TTC38: variants seen among roughly 807,000 people sequenced by gnomAD.
The protein encoded by TTC38 is tetratricopeptide repeat domain 38.
Under a neutral mutation model 64.2 loss-of-function variants are expected in TTC38, and 64 were observed. The ratio of observed to expected loss-of-function variants is 1.00; its 90% confidence interval spans 0.81 to 1.23. TTC38 has a LOEUF of 1.23. TTC38 is among the 50% of genes most tolerant of loss of function. The pLI, the probability that TTC38 is intolerant of heterozygous loss-of-function variation, is 0.00. For missense variants in TTC38, 573 were observed against 615.5 expected, an observed-to-expected ratio of 0.93 and a Z score of 0.73; for synonymous variants, 254 against 249.3, an observed-to-expected ratio of 1.02 and a Z score of -0.18.
chr22:46,288,690 T>C, intron 11 of TTC38, 102 bp downstream of exon 11: 4 of 1,218,988 alleles, frequency 3.3e-6, no homozygotes, highest in Non-Finnish European at 4.6e-6. Flanking sequence ...GCCCCGCCTG[T>C]GAGTGCAGCA....
rs973260565 is a variant in TTC38, at chr22:46,273,090, G to T, written c.193+674G>T. Among the ~76,000 whole-genome samples, 4 of 152,202 alleles carry T rather than the reference G, an allele frequency of 2.6e-5. No individual in the cohort carries two copies. Among genetic ancestry groups the T allele is most frequent in the Non-Finnish European group, 5.9e-5 (4 of 68,038 alleles). ...TAAGGCAGGGGACTTGTACTGCCCT[G>T]GAGAAGACAAACAAGGAAATAACTG... On this transcript the variant is annotated intron_variant, in intron 3 of 13. Coordinates refer to ENST00000381031, the MANE Select transcript of TTC38 (RefSeq NM_017931.4). The surrounding 1 kb of genome is among the most constrained non-coding windows in gnomAD (Gnocchi z 5.1).
chr22:46,277,239 A>C (rs2077498758), intron 5 of TTC38, among the ~76,000 whole-genome samples: 1 of 152,126 alleles, frequency 6.6e-6, no homozygotes, highest in African/African-American at 2.4e-5. Context: ...CTTAACCCCG[A>C]GAAACCACAG....
In TTC38 at chr22:46,274,860, T is replaced by G. The variant is rs1272849190; in HGVS notation, c.366-388T>G. On this transcript the variant is annotated intron_variant, in intron 4 of 13. Coordinates refer to ENST00000381031, the MANE Select transcript of TTC38 (RefSeq NM_017931.4). This position sits in a 1 kb window ranked among gnomAD's most constrained non-coding sequence, Gnocchi z 4.8. Reference sequence around the variant, plus strand: ...CATTTATTTATTTAGAGTTTTGCTCTTGTCGCCCAGGCTGGAATGCAGTGG... The same window carrying G: ...CATTTATTTATTTAGAGTTTTGCTCGTGTCGCCCAGGCTGGAATGCAGTGG... Among the ~76,000 whole-genome samples, 2 of 152,210 alleles carry G rather than the reference T, an allele frequency of 1.3e-5. No homozygotes were observed. Among genetic ancestry groups the G allele is most frequent in the African/African-American group, 2.4e-5 (1 of 41,448 alleles).
At chr22:46,284,794 G>A (rs561636049) in intron 8 of TTC38, among the ~76,000 whole-genome samples, 3 of 149,032 alleles carry the variant, frequency 2.0e-5, no homozygotes, top group Non-Finnish European at 4.4e-5. Flanking sequence ...GCTTGAACCT[G>A]GGACGCGGAG....
chr22:46,283,503 G>A (rs1257514838), intron 7 of TTC38, among the ~76,000 whole-genome samples: 2 of 152,112 alleles, frequency 1.3e-5, no homozygotes, highest in Non-Finnish European at 2.9e-5. Flanking sequence ...AATGGAAGAA[G>A]ATTATGTGGC....
chr22:46,275,532 C>G lies in TTC38; in HGVS notation c.539+111C>G, dbSNP rs76774547. 8.7e-3 allele frequency: 9,638 copies of G among 1,101,758 alleles called. 66 individuals are homozygous for G. Among genetic ancestry groups the G allele is most frequent in the Middle Eastern group, 0.017 (63 of 3,656 alleles). The allele number at this position is 1,101,758 out of a possible 1,614,324, so 68.2% of individuals were successfully genotyped here. On this transcript the variant is annotated intron_variant, in intron 5 of 13. Transcript: ENST00000381031. The surrounding 1 kb of genome is among the most constrained non-coding windows in gnomAD (Gnocchi z 4.5). ...CCTAAAAATAATGGGACCACTGTTG[C>G]TATTCTCCTAGTTCCTTAAAGTTCA...
At chr22:46,289,929 C>T (rs372625848) in intron 13 of TTC38, 30 bp downstream of exon 13, 17 of 1,599,536 alleles carry the variant, frequency 1.1e-5, no homozygotes, top group South Asian at 6.6e-5. Flanking sequence ...CCAGCACTCC[C>T]GACCTTCACA....
chr22:46,279,794 A>G (rs1311046802), intron 6 of TTC38, among the ~76,000 whole-genome samples: 1 of 152,144 alleles, frequency 6.6e-6, no homozygotes, highest in Admixed American at 6.5e-5. Context: ...ACCAGACAGC[A>G]CCATCCAGGG....
intron 6 of TTC38, 66 bp downstream of exon 6, chr22:46,278,727 T>C (rs2077511812): frequency 1.6e-6 from 2 of 1,285,244 alleles, no homozygotes; most frequent in South Asian, 1.2e-5. Context: ...CCAGGGCATA[T>C]GAGGGGCACC....
At position 46,275,245 on chromosome 22, in the gene TTC38, C is replaced by T. The variant is rs767871972; in HGVS notation, c.366-3C>T. On this transcript the variant is annotated splice_region_variant and splice_polypyrimidine_tract_variant and intron_variant, in intron 4 of 13. Transcript: ENST00000381031. The surrounding 1 kb of genome is among the most constrained non-coding windows in gnomAD (Gnocchi z 4.5). ...TTGGTGAGAAATCTTTCTCGGTTTC[C>T]AGGAACTTTCCGAAAGCCTGTGAAC... The T allele has an allele frequency of 6.2e-6, 10 of 1,612,482 alleles. No homozygotes were observed. Among genetic ancestry groups the T allele is most frequent in the South Asian group, 1.1e-5 (1 of 90,888 alleles).
At chr22:46,268,163 G>A in intron 1 of TTC38, 91 bp downstream of exon 1, 1 of 1,407,542 alleles carries the variant, frequency 7.1e-7, no homozygotes, top group Non-Finnish European at 9.6e-7. Flanking sequence ...GACATGGCCC[G>A]GGCGCGGGGC....
At chr22:46,279,893 A>G (rs2077520931) in intron 6 of TTC38, among the ~76,000 whole-genome samples, 1 of 152,176 alleles carries the variant, frequency 6.6e-6, no homozygotes. Flanking sequence ...CTCCTGGGAC[A>G]TTTGGAGAAG....
chr22:46,272,892 T>C lies in TTC38; in HGVS notation c.193+476T>C, dbSNP rs547558710. On this transcript the variant is annotated intron_variant, in intron 3 of 13. Coordinates refer to ENST00000381031, the MANE Select transcript of TTC38 (RefSeq NM_017931.4). This position sits in a 1 kb window ranked among gnomAD's most constrained non-coding sequence, Gnocchi z 6.4. ...GGTGAGGTGGTGACAGAGGCTGGCA[T>C]CCAGGCAAGCCATGTGTACAGCGGG... Among the ~76,000 whole-genome samples, 2 of 152,258 alleles carry C rather than the reference T, an allele frequency of 1.3e-5. No individual in the cohort carries two copies. Among genetic ancestry groups the C allele is most frequent in the African/African-American group, 4.8e-5 (2 of 41,562 alleles).
rs762662159 is a variant in TTC38, at chr22:46,274,060, T to C, written c.356T>C (p.Phe119Ser). ...CTGCACGTGTCTGCAGTAGAGACAT[T>C]TGCCAATGGGTGAGGGGCCTCCCTG... is the stretch of plus-strand genomic sequence containing the variant. Reference protein sequence around the residue: ...EQLHVSAVETFANGNFPKACE... With the variant: ...EQLHVSAVETSANGNFPKACE... Residue 119 changes from phenylalanine to serine, a missense_variant, in exon 4 of 14, where the codon TTT becomes TCT. Coordinates refer to ENST00000381031, the MANE Select transcript of TTC38 (RefSeq NM_017931.4). The surrounding 1 kb of genome is among the most constrained non-coding windows in gnomAD (Gnocchi z 4.8). The C allele has an allele frequency of 1.1e-5, 17 of 1,613,060 alleles. No individual in the cohort carries two copies. Among genetic ancestry groups the C allele is most frequent in the Admixed American group, 8.3e-5 (5 of 59,948 alleles).
Position 46,281,496 on chromosome 22 carries a change from TTCA to T in TTC38, c.616-102_616-100del. On this transcript the variant is annotated intron_variant, in intron 6 of 13. Transcript: ENST00000381031. The surrounding 1 kb of genome is among the most constrained non-coding windows in gnomAD (Gnocchi z 5.2). ...CCGCCCCCCCACTTGCTCCACCCCG[TTCA>T]GCCCAGGCCCCTCTTGCCCCTTAGA... 1.1e-6 allele frequency: 1 copy of T among 885,382 alleles called. No individual in the cohort carries two copies. The highest frequency in any genetic ancestry group is 1.7e-6 in the Non-Finnish European group (1 of 604,436). The allele number at this position is 885,382 out of a possible 1,614,324, so 54.8% of individuals were successfully genotyped here.
Position 46,281,891 on chromosome 22 carries a change from A to G in TTC38, c.735+173A>G. 1 of 854,182 alleles carries G rather than the reference A, an allele frequency of 1.2e-6. No individual in the cohort carries two copies. Among genetic ancestry groups the G allele is most frequent in the Non-Finnish European group, 1.9e-6 (1 of 531,582 alleles). The allele number at this position is 854,182 out of a possible 1,614,324, so 52.9% of individuals were successfully genotyped here. The stretch of plus-strand genomic sequence containing the variant: ...GGCTGCTGAGCAGAATGCAATCAAG[A>G]TTCCAGTCCCCACCCCAGGCCCATA... On this transcript the variant is annotated intron_variant, in intron 7 of 13. Coordinates refer to ENST00000381031, the MANE Select transcript of TTC38 (RefSeq NM_017931.4). This position sits in a 1 kb window ranked among gnomAD's most constrained non-coding sequence, Gnocchi z 5.2.
In TTC38 at chr22:46,270,559, G is replaced by A. The variant is rs148321528; in HGVS notation, c.112-1776G>A. 3.8e-3 allele frequency among the ~76,000 whole-genome samples: 575 copies of A among 152,234 alleles called. 4 individuals carry two copies. Among genetic ancestry groups the A allele is most frequent in the African/African-American group, 0.013 (523 of 41,532 alleles). On this transcript the variant is annotated intron_variant, in intron 2 of 13. Coordinates refer to ENST00000381031, the MANE Select transcript of TTC38 (RefSeq NM_017931.4). The surrounding 1 kb of genome is among the most constrained non-coding windows in gnomAD (Gnocchi z 4.7). Reference sequence around the variant, plus strand: ...TGTTAAAAATGATGATGCGCTGGGCGCGGTGACTCACGCCTGTAATCCCAG... The same window carrying A: ...TGTTAAAAATGATGATGCGCTGGGCACGGTGACTCACGCCTGTAATCCCAG...
At position 46,268,054 on chromosome 22, in the gene TTC38, G is replaced by A; in HGVS notation, c.15G>A (p.Ser5=). The A allele has an allele frequency of 6.5e-7, 1 of 1,543,038 alleles. No homozygotes were observed. Among genetic ancestry groups the A allele is most frequent in the Non-Finnish European group, 8.7e-7 (1 of 1,150,926 alleles). ...CCCGGCGCAACATGGCCGCAGCCTCGCCTCTGCGCGACTGCCAGGTACACG... is the reference window on the plus strand; with the variant it reads ...CCCGGCGCAACATGGCCGCAGCCTCACCTCTGCGCGACTGCCAGGTACACG... MAAA[S]PLRDCQAWKD... The change falls in exon 1 of 14, where the codon TCG becomes TCA. Residue 5 remains serine, a synonymous_variant. Coordinates refer to ENST00000381031, the MANE Select transcript of TTC38 (RefSeq NM_017931.4).
At position 46,268,667 on chromosome 22, in the gene TTC38, TTTTTGTTTTG is replaced by T. The variant is rs138035782; in HGVS notation, c.111+101_111+110del. On this transcript the variant is annotated intron_variant, in intron 2 of 13. Transcript: ENST00000381031. ...GGTTTTTTAATTGGGGAAAGCTGTT[TTTTTGTTTTG>T]TTTTGTTTTGTTTTGTTTTGTTTTT... The T allele has an allele frequency of 2.7e-3, 3,590 of 1,307,510 alleles. 15 individuals are homozygous for T. Among genetic ancestry groups the T allele is most frequent in the East Asian group, 3.3e-3 (140 of 42,354 alleles). The allele number at this position is 1,307,510 out of a possible 1,614,324, so 81.0% of individuals were successfully genotyped here.
Sources: allele counts gnomAD v4.1 joint callset (sites outside exome capture counted in the v4.1 genomes callset), GRCh38; gene constraint gnomAD v4.1.1; non-coding constraint Gnocchi (gnomAD v3.1); transcripts MANE v1.5; gene names NCBI Gene and HGNC (gene_info 2026-07-23, HGNC 2026-07-21).